Variants in SPATA13 observed in about 807,000 individuals in gnomAD.
The protein encoded by SPATA13 is spermatogenesis associated 13.
In SPATA13, 50 loss-of-function variants were observed where a neutral mutation model predicts 104.0. The ratio of observed to expected loss-of-function variants is 0.48; its 90% CI spans 0.38 to 0.61. The LOEUF (loss-of-function observed/expected upper bound fraction) is 0.61, where lower values mean the gene tolerates loss of function less well. SPATA13 is among the 20% of genes least tolerant of loss of function. The probability of loss-of-function intolerance (pLI) is 0.00; values close to 1 mark genes in which losing one functional copy is unlikely to be tolerated. For synonymous variants in SPATA13, 606 were observed against 667.5 expected, an observed-to-expected ratio of 0.91 and a Z score of 1.42; for missense variants, 1,524 against 1,690.6, an observed-to-expected ratio of 0.90 and a Z score of 1.73.
chr13:24,241,527 T>C (rs537858113), intron 2 of SPATA13, among the ~76,000 whole-genome samples: 8 of 152,360 alleles, frequency 5.3e-5, no homozygotes, highest in African/African-American at 1.9e-4. Flanking sequence ...GGTAACGGGC[T>C]TTTATAGGAG....
Position 24,223,364 on chromosome 13 carries a change from A to G in SPATA13, c.435A>G (p.Gly145=), listed in dbSNP as rs1341380610. 5 of 1,551,362 alleles carry G rather than the reference A, an allele frequency of 3.2e-6. No homozygotes were observed. Among genetic ancestry groups the G allele is most frequent in the South Asian group, 1.2e-5 (1 of 84,062 alleles). The change falls in exon 2 of 13, where the codon GGA becomes GGG. Residue 145 remains glycine, a synonymous_variant. Coordinates refer to ENST00000382108, the MANE Select transcript of SPATA13 (RefSeq NM_001166271.3). ...GAGAGGCTTCGGAGCATGGCCTGGG[A>G]AAGTCCATCCCAAATGGCGCTGTCC... The part of the protein sequence containing the change: ...SKGEASEHGL[G]KSIPNGAVPG...
chr13:24,070,628 T>G (rs1336674356), intron 3 of SPATA13, among the ~76,000 whole-genome samples: 1 of 152,218 alleles, frequency 6.6e-6, no homozygotes, highest in Non-Finnish European at 1.5e-5. Flanking sequence ...TTCTGTGTGT[T>G]TCTGTCAGAA....
rs565650401 is a variant in SPATA13 at position 24,147,771 on chromosome 13, A to G, written c.-111-75048A>G. Among the ~76,000 whole-genome samples the G allele has an allele frequency of 3.5e-5, 4 of 114,340 alleles. No homozygotes were observed. In the South Asian group the frequency reaches 7.8e-4, roughly 22 times the overall value. 75.0% of individuals were successfully genotyped at this position (114,340 alleles called of 152,430 possible). A position where few individuals can be genotyped will look rare whatever the true frequency, so the allele number is the denominator to read the frequency against. On this transcript the variant is annotated intron_variant, in intron 3 of 14. Transcript: ENST00000424834. ...AACTCCCCGTTCCCTCCACACCCCTAGCCCCTGGCAGACACCATTCTACTT... is the reference window on the plus strand; with the variant it reads ...AACTCCCCGTTCCCTCCACACCCCTGGCCCCTGGCAGACACCATTCTACTT...
At chr13:24,242,938 A>T (rs1872930583) in intron 2 of SPATA13, among the ~76,000 whole-genome samples, 1 of 152,166 alleles carries the variant, frequency 6.6e-6, no homozygotes, top group African/African-American at 2.4e-5. Context: ...CATTTAAGGG[A>T]CATTGGGTAA....
rs147138303 is a variant in SPATA13 at position 24,262,300 on chromosome 13, GT to G, written c.2164+10446del. On this transcript the variant is annotated intron_variant, in intron 4 of 12. Transcript: ENST00000382108. Reference sequence around the variant, plus strand: ...ATTTTTTTTGTTTGTTTAAAACAAAGTTTTTTTTCTTTTTTTTTTTTTAGCT... The same window carrying G: ...ATTTTTTTTGTTTGTTTAAAACAAAGTTTTTTTCTTTTTTTTTTTTTAGCT... Among the ~76,000 whole-genome samples the G allele has an allele frequency of 9.9e-5, 14 of 141,722 alleles. No individual in the cohort carries two copies. The East Asian group carries it at 2.2e-3, about 22-fold the overall frequency. 93.0% of individuals were successfully genotyped at this position (141,722 alleles called of 152,430 possible). A position where few individuals can be genotyped will look rare whatever the true frequency, so the allele number is the denominator to read the frequency against.
chr13:24,015,740 C>G (rs1263838796), intron 2 of SPATA13, among the ~76,000 whole-genome samples: 1 of 13,100 alleles, frequency 7.6e-5, no homozygotes, highest in Non-Finnish European at 4.0e-4. Flanking sequence ...CCCTGGCAGG[C>G]CCCCCCCCAA....
chr13:24,255,540 C>T (rs938819368), intron 4 of SPATA13, among the ~76,000 whole-genome samples: 17 of 152,210 alleles, frequency 1.1e-4, no homozygotes, highest in African/African-American at 1.7e-4. Flanking sequence ...GGTATAGTAA[C>T]TATGCCCACC....
intron 2 of SPATA13, among the ~76,000 whole-genome samples, chr13:23,995,009 C>CTG (rs1443487673): frequency 6.6e-6 from 1 of 152,116 alleles, no homozygotes; most frequent in East Asian, 1.9e-4. Flanking sequence ...AGTGTCGTGA[C>CTG]TGTGTGTGTG....
At chr13:24,190,668 C>T (rs1407473332) in intron 1 of SPATA13, among the ~76,000 whole-genome samples, 2 of 152,066 alleles carry the variant, frequency 1.3e-5, no homozygotes, top group East Asian at 1.9e-4. Flanking sequence ...GGAAGTGCTG[C>T]AATCTCATGA....
chr13:24,224,606 CAT>C (rs1566160270), intron 2 of SPATA13, 24 bp downstream of exon 2: 1 of 1,536,724 alleles, frequency 6.5e-7, no homozygotes, highest in Non-Finnish European at 8.7e-7. Context: ...CGAGGTCCCT[CAT>C]GTGGGCGACC....
chr13:24,097,686 T>A (rs1482641304), intron 3 of SPATA13, among the ~76,000 whole-genome samples: 1 of 152,132 alleles, frequency 6.6e-6, no homozygotes, highest in Admixed American at 6.5e-5. Flanking sequence ...ATAGTTTCAG[T>A]GTCTGTGCAA....
At chr13:24,055,365 C>A (rs1327671375) in intron 3 of SPATA13, among the ~76,000 whole-genome samples, 2 of 151,458 alleles carry the variant, frequency 1.3e-5, no homozygotes, top group African/African-American at 4.8e-5. Context: ...CAAATCTCGA[C>A]CTTGTCCTTT....
At chr13:24,263,172 T>G (rs896032772) in intron 4 of SPATA13, among the ~76,000 whole-genome samples, 4 of 152,242 alleles carry the variant, frequency 2.6e-5, no homozygotes, top group African/African-American at 9.6e-5. Flanking sequence ...TGTTCTCTTG[T>G]TTTTTGAATT....
intron 3 of SPATA13, among the ~76,000 whole-genome samples, chr13:24,044,171 G>A (rs181953864): frequency 1.3e-5 from 2 of 152,228 alleles, no homozygotes; most frequent in East Asian, 1.9e-4. Context: ...CCACACCACA[G>A]TGATGGCCTG....
intron 2 of SPATA13, among the ~76,000 whole-genome samples, chr13:24,000,237 G>T (rs1247405677): frequency 6.6e-6 from 1 of 152,244 alleles, no homozygotes; most frequent in Non-Finnish European, 1.5e-5. Flanking sequence ...TGGCCTAGGG[G>T]CTGGGAAGCC....
At chr13:24,079,043 C>T (rs1235866347) in intron 3 of SPATA13, among the ~76,000 whole-genome samples, 7 of 152,074 alleles carry the variant, frequency 4.6e-5, no homozygotes, top group South Asian at 2.1e-4. Context: ...TTTGGCCTAA[C>T]CAGAAAATTG....
chr13:24,294,997 T>A, intron 10 of SPATA13, 129 bp downstream of exon 10: 2 of 897,776 alleles, frequency 2.2e-6, no homozygotes, highest in Non-Finnish European at 3.2e-6. Context: ...CATATACCAT[T>A]AATGGTAAAT....
chr13:24,283,646 A>G (rs1593496880), intron 4 of SPATA13, among the ~76,000 whole-genome samples: 1 of 152,242 alleles, frequency 6.6e-6, no homozygotes, highest in Admixed American at 6.5e-5. Context: ...CCTTTCAAAT[A>G]TGTACAGAGA....
At chr13:24,160,159 G>C (rs1882408703), upstream of SPATA13, among the ~76,000 whole-genome samples, 1 of 152,224 alleles carries the variant, frequency 6.6e-6, no homozygotes, top group South Asian at 2.1e-4. Flanking sequence ...CAGGCAGTGG[G>C]CAGTGGGGCA....
Sources: gnomAD v4.1 joint callset for allele counts (sites outside exome capture counted in the v4.1 genomes callset) on GRCh38, gnomAD v4.1.1 for gene constraint, MANE v1.5 for transcripts, NCBI Gene and HGNC (gene_info 2026-07-23, HGNC 2026-07-21) for gene names.